The following SDK1 variants were observed in gnomAD, a reference collection of about 807,000 sequenced individuals.
SDK1 encodes the protein sidekick cell adhesion molecule 1.
SDK1 carries 157 observed loss-of-function variants against 245.5 expected under a neutral mutation model. That is an observed-to-expected ratio of 0.64 (90% CI 0.56 to 0.73). The LOEUF (loss-of-function observed/expected upper bound fraction) is 0.73. Ranked by LOEUF, SDK1 falls within the 30% of genes least tolerant of loss-of-function variation. The pLI is 0.00. For missense variants in SDK1, 3,583 were observed against 3,002.3 expected, an observed-to-expected ratio of 1.19 and a Z score of -4.52; for synonymous variants, 1,647 against 1,278.5, an observed-to-expected ratio of 1.29 and a Z score of -6.15.
rs192838561 is a variant in SDK1, at chr7:3,416,946, A to T, written c.298+115062A>T. Among the ~76,000 whole-genome samples the T allele has an allele frequency of 1.4e-3, 218 of 152,148 alleles. 1 individual carries two copies. The highest frequency in any genetic ancestry group is 5.1e-3 in the African/African-American group (210 of 41,534). On this transcript the variant is annotated intron_variant, in intron 1 of 44. Coordinates refer to ENST00000404826, the MANE Select transcript of SDK1 (RefSeq NM_152744.4). ...CCAGCACTTTGGGAGGATGAGGTGG[A>T]TGGATCACCTGAGGTCAGGAGTTCA...
At chr7:3,383,546 T>TA (rs1193423491) in intron 1 of SDK1, among the ~76,000 whole-genome samples, 3 of 152,310 alleles carry the variant, frequency 2.0e-5, no homozygotes, top group Non-Finnish European at 2.9e-5. Flanking sequence ...TTGAGACACT[T>TA]AAAAAGTATC....
chr7:4,113,561 C>T (rs529668441), intron 24 of SDK1, 122 bp downstream of exon 24: 18 of 1,132,722 alleles, frequency 1.6e-5, no homozygotes, highest in African/African-American at 9.3e-5. Context: ...CTAATCTCAT[C>T]GTCAAACCAA....
At chr7:3,945,717 G>A (rs1780547617) in intron 5 of SDK1, among the ~76,000 whole-genome samples, 1 of 151,744 alleles carries the variant, frequency 6.6e-6, no homozygotes, top group Non-Finnish European at 1.5e-5. Flanking sequence ...GGCTAACATG[G>A]TGAAACCCTG....
chr7:3,825,949 A>G lies in SDK1; in HGVS notation c.847+4366A>G, dbSNP rs996257660. Among the ~76,000 whole-genome samples the G allele has an allele frequency of 5.3e-5, 8 of 152,248 alleles. No homozygotes were observed. In the South Asian group the frequency reaches 8.3e-4, roughly 16 times the overall value. Reference sequence around the variant, plus strand: ...CCTAGCCCCACATCACAAATGAGCAATTTAGAACCAAGCATAGTTTTATAG... The same window carrying G: ...CCTAGCCCCACATCACAAATGAGCAGTTTAGAACCAAGCATAGTTTTATAG... On this transcript the variant is annotated intron_variant, in intron 5 of 44. Transcript: ENST00000404826.
intron 4 of SDK1, among the ~76,000 whole-genome samples, chr7:3,806,806 A>G (rs1054572708): frequency 9.6e-5 from 14 of 146,082 alleles, no homozygotes; most frequent in African/African-American, 3.4e-4. Flanking sequence ...GGAGACGGGA[A>G]AAGTAGCTGC....
At chr7:3,972,931 A>G (rs1181455099) in intron 12 of SDK1, among the ~76,000 whole-genome samples, 2 of 152,190 alleles carry the variant, frequency 1.3e-5, no homozygotes, top group East Asian at 3.9e-4. Context: ...CCTGGGGGCC[A>G]CCCTGGAGAC....
At position 4,029,214 on chromosome 7, in the gene SDK1, CTTT is replaced by C. The variant is rs532321663; in HGVS notation, c.2602+11875_2602+11877del. 1.0e-4 allele frequency among the ~76,000 whole-genome samples: 10 copies of C among 98,444 alleles called. 2 individuals carry two copies. The highest frequency in any genetic ancestry group is 7.2e-4 in the African/African-American group (10 of 13,802). 64.6% of individuals were successfully genotyped at this position (98,444 alleles called of 152,430 possible). On this transcript the variant is annotated intron_variant, in intron 17 of 44. Transcript: ENST00000404826. The stretch of plus-strand genomic sequence containing the variant: ...CTTGATTTTCTTTCTTTTATTCTTT[CTTT>C]TTTTTTTTTTTTGTGAAGAAGTCTC...
At chr7:3,874,055 T>G (rs1781017556) in intron 5 of SDK1, among the ~76,000 whole-genome samples, 1 of 152,212 alleles carries the variant, frequency 6.6e-6, no homozygotes, top group Non-Finnish European at 1.5e-5. Context: ...AATAGGACAG[T>G]AGACACTGAG....
intron 19 of SDK1, among the ~76,000 whole-genome samples, chr7:4,061,386 C>T (rs1779528430): frequency 1.3e-5 from 2 of 152,208 alleles, no homozygotes; most frequent in Non-Finnish European, 2.9e-5. Context: ...AAAAAATGCT[C>T]ACCATCACTG....
intron 4 of SDK1, among the ~76,000 whole-genome samples, chr7:3,765,848 T>C (rs1017055642): frequency 1.1e-4 from 16 of 152,198 alleles, no homozygotes; most frequent in South Asian, 2.1e-4. Flanking sequence ...GGAGGCATTA[T>C]TAAATATTAG....
intron 20 of SDK1, among the ~76,000 whole-genome samples, chr7:4,072,290 C>A (rs1032028518): frequency 6.6e-6 from 1 of 152,220 alleles, no homozygotes; most frequent in Non-Finnish European, 1.5e-5. Context: ...GGCAGACTCT[C>A]TGCAGGTTCC....
chr7:3,597,425 C>G (rs1378025058), intron 1 of SDK1, among the ~76,000 whole-genome samples: 1 of 152,014 alleles, frequency 6.6e-6, no homozygotes, highest in Non-Finnish European at 1.5e-5. Flanking sequence ...ACCTCAAATC[C>G]CACTGGGAAA....
intron 4 of SDK1, among the ~76,000 whole-genome samples, chr7:3,675,351 C>T (rs980857496): frequency 6.6e-6 from 1 of 152,328 alleles, no homozygotes; most frequent in East Asian, 1.9e-4. Context: ...ATTATAACAG[C>T]TTCTGGTCTG....
chr7:3,686,161 T>C (rs1784275721), intron 4 of SDK1, among the ~76,000 whole-genome samples: 1 of 152,182 alleles, frequency 6.6e-6, no homozygotes, highest in Non-Finnish European at 1.5e-5. Context: ...CTGCAACCTC[T>C]ACCTCCTGGG....
At chr7:3,573,298 C>T (rs2128630208) in intron 1 of SDK1, among the ~76,000 whole-genome samples, 1 of 152,238 alleles carries the variant, frequency 6.6e-6, no homozygotes, top group South Asian at 2.1e-4. Flanking sequence ...GTATGGCCTG[C>T]ACAGGCAGAA....
intron 5 of SDK1, among the ~76,000 whole-genome samples, chr7:3,905,800 A>T (rs1778888128): frequency 6.6e-6 from 1 of 151,974 alleles, no homozygotes. Context: ...TTAAAAAAAA[A>T]AATGTGGAGA....
chr7:3,987,473 A>T (rs1482814970), intron 14 of SDK1, 151 bp downstream of exon 14: 2 of 820,894 alleles, frequency 2.4e-6, no homozygotes, highest in Non-Finnish European at 3.8e-6. Context: ...CCTGCCCTTT[A>T]GGAAAGAAAA....
At chr7:4,207,987 C>G (rs1291412240) in intron 36 of SDK1, 112 bp from the exon 37 acceptor site, 8 of 781,650 alleles carry the variant, frequency 1.0e-5, no homozygotes, top group Non-Finnish European at 1.5e-5. Flanking sequence ...CCACCCAGCA[C>G]AGCTCGCCCC....
intron 1 of SDK1, among the ~76,000 whole-genome samples, chr7:3,349,051 C>G (rs974265261): frequency 2.0e-5 from 3 of 152,068 alleles, no homozygotes; most frequent in Non-Finnish European, 2.9e-5. Context: ...CTCCTTTTTA[C>G]CCCTTTGGCT....
Sources: gnomAD v4.1 joint callset for allele counts (sites outside exome capture counted in the v4.1 genomes callset) on GRCh38, gnomAD v4.1.1 for gene constraint, MANE v1.5 for transcripts, NCBI Gene and HGNC (gene_info 2026-07-23, HGNC 2026-07-21) for gene names.